Variants in SH3RF1 observed in about 807,000 individuals in gnomAD.
The protein encoded by SH3RF1 is E3 ubiquitin-protein ligase SH3RF1.
Under a neutral mutation model 74.0 loss-of-function variants are expected in SH3RF1, and 32 were observed. That is an observed-to-expected ratio of 0.43 (90% CI 0.33 to 0.58). The LOEUF (loss-of-function observed/expected upper bound fraction) is 0.58, where lower values mean the gene tolerates loss of function less well. Ranked by LOEUF, SH3RF1 falls within the 20% of genes least tolerant of loss-of-function variation. The pLI, the probability that SH3RF1 is intolerant of heterozygous loss-of-function variation, is 0.05. For synonymous variants in SH3RF1, 396 were observed against 439.6 expected, an observed-to-expected ratio of 0.90 and a Z score of 1.24; for missense variants, 954 against 1,130.9, an observed-to-expected ratio of 0.84 and a Z score of 2.24.
chr4:169,186,520 T>C (rs1311905743), intron 2 of SH3RF1, among the ~76,000 whole-genome samples: 1 of 151,876 alleles, frequency 6.6e-6, no homozygotes, highest in East Asian at 1.9e-4. Context: ...AGAATTACAC[T>C]ATTATAAAAG....
chr4:169,146,052 ATATTATATATTCTATATAAAATAT>A (rs1264770306), intron 4 of SH3RF1, among the ~76,000 whole-genome samples: 16 of 106,916 alleles, frequency 1.5e-4, no homozygotes, highest in Non-Finnish European at 2.6e-4. Flanking sequence ...TCTATATAAA[ATATTATATATTCTATATAAAATAT>A]TATATATTCT....
chr4:169,131,019 A>G (rs1382926496), intron 5 of SH3RF1, among the ~76,000 whole-genome samples: 2 of 152,156 alleles, frequency 1.3e-5, no homozygotes, highest in Non-Finnish European at 2.9e-5. Flanking sequence ...AACCCACCCA[A>G]AATGCTAGGT....
At chr4:169,245,230 T>A (rs554827590) in intron 2 of SH3RF1, among the ~76,000 whole-genome samples, 15 of 152,306 alleles carry the variant, frequency 9.8e-5, no homozygotes, top group Admixed American at 3.3e-4. Flanking sequence ...CTACTAACTG[T>A]GAAGTCAGAA....
intron 10 of SH3RF1, among the ~76,000 whole-genome samples, chr4:169,108,945 T>C (rs1733195080): frequency 6.6e-6 from 1 of 152,182 alleles, no homozygotes; most frequent in African/African-American, 2.4e-5. Flanking sequence ...ATAAAGGATA[T>C]GTTGGATTCC....
chr4:169,153,225 T>C (rs1001362827), intron 4 of SH3RF1, among the ~76,000 whole-genome samples: 7 of 152,184 alleles, frequency 4.6e-5, no homozygotes, highest in Non-Finnish European at 2.9e-5. Context: ...TCCAAACCAC[T>C]ATGCATAAGA....
At chr4:169,105,991 T>C (rs1277502335) in intron 11 of SH3RF1, among the ~76,000 whole-genome samples, 1 of 148,892 alleles carries the variant, frequency 6.7e-6, no homozygotes, top group Non-Finnish European at 1.5e-5. Context: ...CTTAAAATAT[T>C]GTGAATTTTT....
intron 2 of SH3RF1, among the ~76,000 whole-genome samples, chr4:169,248,606 T>C (rs944879461): frequency 2.0e-5 from 3 of 152,214 alleles, no homozygotes; most frequent in Non-Finnish European, 4.4e-5. Context: ...TATATCTATG[T>C]AACAAACCTG....
chr4:169,266,309 T>C (rs1054534984), intron 2 of SH3RF1, among the ~76,000 whole-genome samples: 7 of 152,176 alleles, frequency 4.6e-5, no homozygotes, highest in African/African-American at 1.4e-4. Context: ...ACGTTATCAC[T>C]TTCAGCTTTG....
At chr4:169,133,121 C>A (rs914665898) in intron 5 of SH3RF1, among the ~76,000 whole-genome samples, 1 of 152,088 alleles carries the variant, frequency 6.6e-6, no homozygotes, top group Non-Finnish European at 1.5e-5. Context: ...GCATAAGGAC[C>A]CACTTATATG....
chr4:169,108,596 A>C (rs887276228), intron 10 of SH3RF1, among the ~76,000 whole-genome samples: 2 of 152,220 alleles, frequency 1.3e-5, no homozygotes, highest in Admixed American at 6.5e-5. Flanking sequence ...ATAGATGAGC[A>C]GAGCCAGCTG....
At chr4:169,102,806 C>T (rs1344922853) in intron 11 of SH3RF1, among the ~76,000 whole-genome samples, 2 of 152,052 alleles carry the variant, frequency 1.3e-5, no homozygotes, top group African/African-American at 4.8e-5. Context: ...GACACCAAGA[C>T]CTGTCAACAC....
chr4:169,160,780 C>A lies in SH3RF1; in HGVS notation c.394-4101G>T, dbSNP rs561689547. Reference sequence around the variant, plus strand: ...GATCTTTGAAAGACTTATTCCCACACAGACTGCAGATGATTAAGGATAAAC... The same window carrying A: ...GATCTTTGAAAGACTTATTCCCACAAAGACTGCAGATGATTAAGGATAAAC... On this transcript the variant is annotated intron_variant, in intron 2 of 11. Transcript: ENST00000284637. Among the ~76,000 whole-genome samples the A allele has an allele frequency of 5.3e-5, 8 of 152,334 alleles. No homozygotes were observed. In the South Asian group the frequency reaches 1.7e-3, roughly 32 times the overall value.
intron 2 of SH3RF1, chr4:169,167,026 CA>C: frequency 4.7e-6 from 1 of 211,752 alleles, no homozygotes; most frequent in Non-Finnish European, 9.3e-6. Context: ...CAAATTTTAA[CA>C]AAAATCAAAG....
Position 169,182,507 on chromosome 4 carries a change from T to C in SH3RF1, c.394-25828A>G, listed in dbSNP as rs1032782174. 2.6e-5 allele frequency among the ~76,000 whole-genome samples: 4 copies of C among 152,250 alleles called. No individual in the cohort carries two copies. The East Asian group carries it at 5.8e-4, about 22-fold the overall frequency. Reference sequence around the variant, plus strand: ...TATTATGATGAAGGTTTTGAGGGTATAGAAACTAAGGTAACATAAACCAAC... The same window carrying C: ...TATTATGATGAAGGTTTTGAGGGTACAGAAACTAAGGTAACATAAACCAAC... On this transcript the variant is annotated intron_variant, in intron 2 of 11. Transcript: ENST00000284637.
intron 5 of SH3RF1, among the ~76,000 whole-genome samples, chr4:169,134,973 C>T (rs568101135): frequency 4.6e-5 from 7 of 152,140 alleles, no homozygotes; most frequent in Non-Finnish European, 7.3e-5. Context: ...AAACAACAAT[C>T]CCACAATCCC....
intron 2 of SH3RF1, among the ~76,000 whole-genome samples, chr4:169,224,538 G>A (rs1171853331): frequency 6.6e-6 from 1 of 152,048 alleles, no homozygotes; most frequent in African/African-American, 2.4e-5. Flanking sequence ...GGCTGGTCTC[G>A]AACTCCTGAC....
chr4:169,175,948 G>A (rs1179431599), intron 2 of SH3RF1, among the ~76,000 whole-genome samples: 1 of 152,148 alleles, frequency 6.6e-6, no homozygotes, highest in Non-Finnish European at 1.5e-5. Flanking sequence ...GAGGTCATGG[G>A]GTGGAGGTCC....
chr4:169,229,453 A>T (rs1256752148), intron 2 of SH3RF1, among the ~76,000 whole-genome samples: 1 of 151,954 alleles, frequency 6.6e-6, no homozygotes, highest in Non-Finnish European at 1.5e-5. Flanking sequence ...GGAAACATAA[A>T]TTGGTATACC....
At chr4:169,104,090 C>T (rs1376425942) in intron 11 of SH3RF1, among the ~76,000 whole-genome samples, 8 of 152,158 alleles carry the variant, frequency 5.3e-5, no homozygotes, top group Admixed American at 2.6e-4. Flanking sequence ...AGGAAGGGAC[C>T]GGAATGCAGA....
Sources: gnomAD v4.1 joint callset for allele counts (sites outside exome capture counted in the v4.1 genomes callset) on GRCh38, gnomAD v4.1.1 for gene constraint, MANE v1.5 for transcripts, NCBI Gene and HGNC (gene_info 2026-07-23, HGNC 2026-07-21) for gene names.